Variants in R3HDM1 observed in about 807,000 individuals in gnomAD.
R3HDM1 encodes R3H domain containing 1, also known as R3H domain-containing protein 1.
R3HDM1 carries 46 observed loss-of-function variants against 141.1 expected under a neutral mutation model. The ratio of observed to expected loss-of-function variants is 0.33; its 90% CI spans 0.26 to 0.42. The LOEUF (loss-of-function observed/expected upper bound fraction) is 0.42, where lower values mean the gene tolerates loss of function less well. R3HDM1 is among the 10% of genes least tolerant of loss of function. R3HDM1 has a pLI of 1.00. For missense variants in R3HDM1, 1,184 were observed against 1,368.3 expected, an observed-to-expected ratio of 0.87 and a Z score of 2.12; for synonymous variants, 435 against 472.9, an observed-to-expected ratio of 0.92 and a Z score of 1.04.
intron 7 of R3HDM1, among the ~76,000 whole-genome samples, chr2:135,624,121 C>T (rs1295681534): frequency 2.0e-5 from 3 of 152,132 alleles, no homozygotes; most frequent in Non-Finnish European, 4.4e-5. Context: ...AAAGGTCGGG[C>T]GCAGTGGCTC....
chr2:135,569,928 A>C (rs773147040), intron 1 of R3HDM1, among the ~76,000 whole-genome samples: 58 of 152,048 alleles, frequency 3.8e-4, no homozygotes, highest in Non-Finnish European at 2.8e-4. Flanking sequence ...GGGTTTCAAC[A>C]TGTTAGCCAG....
At chr2:135,585,600 C>G in intron 1 of R3HDM1, among the ~76,000 whole-genome samples, 1 of 152,108 alleles carries the variant, frequency 6.6e-6, no homozygotes, top group East Asian at 1.9e-4. Context: ...AGTGTGTTGC[C>G]CAATAGATGC....
rs1333052499 is a variant in R3HDM1, at chr2:135,651,831, T to C, written c.1827T>C (p.Val609=). Residue 609 remains valine (V), a synonymous_variant, in exon 18 of 27, where the codon GTT becomes GTC. Coordinates refer to ENST00000683871, the MANE Select transcript of R3HDM1 (RefSeq NM_001378107.1). ...PHAAMFQSTV[V]LQSPQQSGYI... Reference sequence around the variant, plus strand: ...CCGCCATGTTCCAGTCCACTGTGGTTCTTCAGTCTCCACAGCAGTCTGGTT... The same window carrying C: ...CCGCCATGTTCCAGTCCACTGTGGTCCTTCAGTCTCCACAGCAGTCTGGTT... 5 of 1,614,002 alleles carry C rather than the reference T, an allele frequency of 3.1e-6. No individual in the cohort carries two copies. The East Asian group carries it at 8.9e-5, about 29-fold the overall frequency.
At chr2:135,552,532 G>A (rs1700025307) in intron 1 of R3HDM1, among the ~76,000 whole-genome samples, 1 of 152,120 alleles carries the variant, frequency 6.6e-6, no homozygotes, top group Non-Finnish European at 1.5e-5. Context: ...TATAGACTAA[G>A]TCAACAACCA....
chr2:135,621,624 G>A lies in R3HDM1; in HGVS notation c.418+16G>A, dbSNP rs766875544. On this transcript the variant is annotated intron_variant, in intron 6 of 26. Transcript: ENST00000683871. ...TTATCAAGAGGTTTGCAGTTCTTTT[G>A]TTTTTTTTTAAAAAAAAATTTTGCT... The A allele has an allele frequency of 2.1e-5, 31 of 1,506,746 alleles. No homozygotes were observed. The South Asian group carries it at 3.4e-4, about 16-fold the overall frequency. 93.3% of individuals were successfully genotyped at this position (1,506,746 alleles called of 1,614,324 possible).
intron 7 of R3HDM1, among the ~76,000 whole-genome samples, chr2:135,630,301 A>AAAAC (rs1559291476): frequency 6.9e-6 from 1 of 145,966 alleles, no homozygotes; most frequent in African/African-American, 2.7e-5. Flanking sequence ...AAAAAAAAAA[A>AAAAC]AAAAAAACAA....
chr2:135,669,584 T>C (rs1206219401), intron 19 of R3HDM1: 1 of 985,122 alleles, frequency 1.0e-6, no homozygotes, highest in Non-Finnish European at 1.2e-6. Flanking sequence ...TGTAATACTT[T>C]TTCTTCTTCA....
intron 1 of R3HDM1, among the ~76,000 whole-genome samples, chr2:135,553,982 G>A (rs1201101189): frequency 1.3e-5 from 2 of 152,242 alleles, no homozygotes; most frequent in African/African-American, 2.4e-5. Context: ...GAGCCACGAC[G>A]CTCAGCCTCT....
At chr2:135,660,891 A>T (rs899943244) in intron 18 of R3HDM1, among the ~76,000 whole-genome samples, 3 of 151,656 alleles carry the variant, frequency 2.0e-5, no homozygotes, top group Non-Finnish European at 2.9e-5. Flanking sequence ...ACATGTATGG[A>T]TAATAGATAT....
At chr2:135,609,496 A>G (rs1019848079) in intron 3 of R3HDM1, among the ~76,000 whole-genome samples, 1 of 152,208 alleles carries the variant, frequency 6.6e-6, no homozygotes, top group Non-Finnish European at 1.5e-5. Context: ...CTGCTGCCAC[A>G]CACTGTTCCT....
intron 1 of R3HDM1, among the ~76,000 whole-genome samples, chr2:135,593,266 A>C (rs977083781): frequency 6.6e-6 from 1 of 152,116 alleles, no homozygotes; most frequent in South Asian, 2.1e-4. Context: ...CAATCAGATC[A>C]TATTACACCC....
intron 1 of R3HDM1, chr2:135,559,242 G>C (rs1306641865): frequency 6.0e-6 from 1 of 166,422 alleles, no homozygotes; most frequent in Non-Finnish European, 1.2e-5. Flanking sequence ...CTCCCACACA[G>C]CTGGGACTAC....
At chr2:135,594,762 G>C (rs1710182843) in intron 1 of R3HDM1, among the ~76,000 whole-genome samples, 1 of 147,228 alleles carries the variant, frequency 6.8e-6, no homozygotes, top group Admixed American at 6.9e-5. Flanking sequence ...TCCACTTTCA[G>C]ATTTTCCTTC....
chr2:135,558,878 A>G (rs913113656), intron 1 of R3HDM1, among the ~76,000 whole-genome samples: 4 of 152,158 alleles, frequency 2.6e-5, no homozygotes, highest in Non-Finnish European at 5.9e-5. Context: ...TAAACTTTTA[A>G]AATGATAATC....
intron 1 of R3HDM1, among the ~76,000 whole-genome samples, chr2:135,564,588 G>C (rs1026147956): frequency 4.6e-5 from 7 of 152,226 alleles, no homozygotes; most frequent in Non-Finnish European, 1.0e-4. Context: ...CCAAAGTGCT[G>C]AGATTACAGG....
At chr2:135,551,522 A>T (rs1369218885) in intron 1 of R3HDM1, among the ~76,000 whole-genome samples, 1 of 152,216 alleles carries the variant, frequency 6.6e-6, no homozygotes, top group Non-Finnish European at 1.5e-5. Context: ...TAGAAAATAT[A>T]CTTATTCTTT....
At chr2:135,613,466 C>T (rs1234429376) in intron 3 of R3HDM1, among the ~76,000 whole-genome samples, 2 of 152,164 alleles carry the variant, frequency 1.3e-5, no homozygotes, top group African/African-American at 4.8e-5. Flanking sequence ...TTGAATCAGA[C>T]TCACCTGAAT....
intron 7 of R3HDM1, among the ~76,000 whole-genome samples, chr2:135,627,674 G>A (rs1194652034): frequency 1.3e-5 from 2 of 151,932 alleles, no homozygotes; most frequent in African/African-American, 2.4e-5. Flanking sequence ...ACCTGAAGGT[G>A]GATTTTTTTA....
Position 135,625,397 on chromosome 2 carries a change from A to T in R3HDM1, c.497+2665A>T, listed in dbSNP as rs150710982. Among the ~76,000 whole-genome samples the T allele has an allele frequency of 2.6e-4, 40 of 152,282 alleles. No individual in the cohort carries two copies. In the East Asian group the frequency reaches 7.7e-3, roughly 29 times the overall value. Reference sequence around the variant, plus strand: ...AAGGCAGAGGTTGCAGTGAGCCGAGATCACGCCATTGCACTCCAGCCTGGG... The same window carrying T: ...AAGGCAGAGGTTGCAGTGAGCCGAGTTCACGCCATTGCACTCCAGCCTGGG... On this transcript the variant is annotated intron_variant, in intron 7 of 26. Transcript: ENST00000683871.
Sources: allele counts gnomAD v4.1 joint callset (sites outside exome capture counted in the v4.1 genomes callset), GRCh38; gene constraint gnomAD v4.1.1; transcripts MANE v1.5; gene names NCBI Gene and HGNC (gene_info 2026-07-23, HGNC 2026-07-21).